The following PPP4R3B variants were observed in gnomAD, a reference collection of about 807,000 sequenced individuals.
PPP4R3B encodes the protein protein phosphatase 4 regulatory subunit 3B, also known as serine/threonine-protein phosphatase 4 regulatory subunit 3B.
In PPP4R3B, 52 loss-of-function variants were observed where a neutral mutation model predicts 95.4. The ratio of observed to expected loss-of-function variants is 0.54; its 90% CI spans 0.44 to 0.69. The LOEUF (loss-of-function observed/expected upper bound fraction) is 0.69. Ranked by LOEUF, PPP4R3B falls within the 30% of genes least tolerant of loss-of-function variation. The pLI is 0.00. For missense variants in PPP4R3B, 1,003 were observed against 1,005.9 expected, an observed-to-expected ratio of 1.00 and a Z score of 0.04; for synonymous variants, 407 against 343.9, an observed-to-expected ratio of 1.18 and a Z score of -2.03.
chr2:55,566,199 T>C (rs1687275617), intron 13 of PPP4R3B, among the ~76,000 whole-genome samples: 1 of 152,138 alleles, frequency 6.6e-6, no homozygotes, highest in African/African-American at 2.4e-5. Context: ...TTTTAAGTCT[T>C]AAAACTAGTT....
rs903452530 is a variant in PPP4R3B at position 55,612,925 on chromosome 2, G to A, written c.198+2526C>T. 2.7e-5 allele frequency among the ~76,000 whole-genome samples: 4 copies of A among 148,974 alleles called. No homozygotes were observed. In the East Asian group the frequency reaches 5.9e-4, roughly 22 times the overall value. ...CGCACCACCACACTGCAGCATGGAC[G>A]ACAGAGCGAGACTCCATCTCAAAAA... On this transcript the variant is annotated intron_variant, in intron 2 of 16. Coordinates refer to ENST00000616407, the MANE Select transcript of PPP4R3B (RefSeq NM_001122964.3).
intron 2 of PPP4R3B, among the ~76,000 whole-genome samples, chr2:55,607,111 G>C (rs1693522953): frequency 6.6e-6 from 1 of 152,090 alleles, no homozygotes; most frequent in African/African-American, 2.4e-5. Context: ...CACAAAAGTT[G>C]GGTATGAGAC....
At position 55,598,441 on chromosome 2, in the gene PPP4R3B, T is replaced by C. The variant is rs35178059; in HGVS notation, c.896A>G (p.Lys299Arg). ...CTGCAACATGCTGACTATCTCAACT[T>C]TGTTGAAGAAAATAAAAGACGTAAG... ...STLTSFIFFN[K>R]VEIVSMLQED... is the part of the protein sequence containing the mutation. The change falls in exon 4 of 17, where the codon AAA becomes AGA. Residue 299 changes from lysine to arginine, a missense_variant. Lys to Arg is a conservative substitution (Grantham distance 26). This residue lies in a region of PPP4R3B where 695 missense variants were observed against 686.2 expected (regional missense o/e 1.01). Coordinates refer to ENST00000616407, the MANE Select transcript of PPP4R3B (RefSeq NM_001122964.3). 5.5e-5 allele frequency: 89 copies of C among 1,613,660 alleles called. No individual in the cohort carries two copies. Among genetic ancestry groups the C allele is most frequent in the Admixed American group, 4.2e-4 (25 of 59,934 alleles).
rs1467554298 is a variant in PPP4R3B at position 55,598,790 on chromosome 2, C to T, written c.547G>A (p.Glu183Lys). 4.3e-6 allele frequency: 7 copies of T among 1,614,192 alleles called. No homozygotes were observed. Among genetic ancestry groups the T allele is most frequent in the Non-Finnish European group, 5.9e-6 (7 of 1,180,026 alleles). The part of the protein sequence containing the change: ...KKLLQLFQAC[E>K]NLENTEGLHH... ...AAGCCTTCAGTGTTTTCTAGGTTCT[C>T]GCAAGCTTGGAACAGCTGCAATAGT... Residue 183 changes from glutamate to lysine, a missense_variant, in exon 4 of 17, where the codon GAG becomes AAG. Transcript: ENST00000616407.
chr2:55,611,158 A>C (rs997089433), intron 2 of PPP4R3B, among the ~76,000 whole-genome samples: 16 of 151,904 alleles, frequency 1.1e-4, no homozygotes, highest in African/African-American at 3.9e-4. Context: ...CACTGTGCCT[A>C]GTATGACTCT....
chr2:55,588,956 C>T lies in PPP4R3B; in HGVS notation c.922G>A (p.Glu308Lys). 6.3e-7 allele frequency: 1 copy of T among 1,575,024 alleles called. No individual in the cohort carries two copies. The highest frequency in any genetic ancestry group is 8.7e-7 in the Non-Finnish European group (1 of 1,147,456). Residue 308 changes from glutamate to lysine, a missense_variant and splice_region_variant, in exon 5 of 17, where the codon GAA becomes AAA. This residue lies in a region of PPP4R3B where 695 missense variants were observed against 686.2 expected (regional missense o/e 1.01). Coordinates refer to ENST00000616407, the MANE Select transcript of PPP4R3B (RefSeq NM_001122964.3). ...ACTTCAGACAAAAACTTCTCATCTTCCTGCATGAGAAAAATAATTACTATG... is the reference window on the plus strand; with the variant it reads ...ACTTCAGACAAAAACTTCTCATCTTTCTGCATGAGAAAAATAATTACTATG... ...NKVEIVSMLQ[E>K]DEKFLSEVFA...
chr2:55,596,050 C>A (rs184172381), intron 4 of PPP4R3B, among the ~76,000 whole-genome samples: 1 of 152,270 alleles, frequency 6.6e-6, no homozygotes, highest in Admixed American at 6.5e-5. Flanking sequence ...TATTTCACAA[C>A]TCAAGGAGAC....
At chr2:55,582,096 C>T (rs1396612748) in intron 7 of PPP4R3B, among the ~76,000 whole-genome samples, 4 of 152,024 alleles carry the variant, frequency 2.6e-5, no homozygotes, top group Non-Finnish European at 5.9e-5. Flanking sequence ...GACCCTAAGA[C>T]ATAAATTATC....
chr2:55,597,190 A>T (rs1691906449), intron 4 of PPP4R3B, among the ~76,000 whole-genome samples: 1 of 152,044 alleles, frequency 6.6e-6, no homozygotes, highest in Admixed American at 6.5e-5. Flanking sequence ...TGTACACTTA[A>T]AAATTGTTGA....
intron 14 of PPP4R3B, 131 bp downstream of exon 14, chr2:55,564,771 C>T: frequency 9.5e-7 from 1 of 1,055,796 alleles, no homozygotes; most frequent in African/African-American, 1.6e-5. Context: ...ACGCCTTACC[C>T]TCCTATTCAA....
intron 14 of PPP4R3B, among the ~76,000 whole-genome samples, 182 bp from the exon 15 acceptor site, chr2:55,564,679 T>C (rs1001225711): frequency 6.6e-6 from 1 of 152,236 alleles, no homozygotes; most frequent in African/African-American, 2.4e-5. Context: ...TATTTTAGGA[T>C]GTTGTAAATT....
chr2:55,590,845 A>G lies in PPP4R3B; in HGVS notation c.922-1889T>C, dbSNP rs1250732534. Among the ~76,000 whole-genome samples the G allele has an allele frequency of 3.9e-5, 6 of 152,232 alleles. 1 individual carries two copies. Among genetic ancestry groups the G allele is most frequent in the South Asian group, 4.1e-4 (2 of 4,834 alleles). On this transcript the variant is annotated intron_variant, in intron 4 of 16. Transcript: ENST00000616407. ...CAATCCCTTAAATCCTTTTTGAAAT[A>G]ACGTGGAACATGTATTTTTAAAAAA... is the stretch of plus-strand genomic sequence containing the variant.
At chr2:55,615,530 C>A (rs141760101) in intron 1 of PPP4R3B, 24 bp from the exon 2 acceptor site, 2 of 1,483,512 alleles carry the variant, frequency 1.3e-6, no homozygotes, top group South Asian at 1.2e-5. Context: ...AATAATACAT[C>A]ATAAGTCTCA....
chr2:55,555,109 T>A (rs889072011), intron 16 of PPP4R3B, among the ~76,000 whole-genome samples: 2 of 151,844 alleles, frequency 1.3e-5, no homozygotes, highest in African/African-American at 4.8e-5. Flanking sequence ...TGAAATCCCA[T>A]CTCTACTAAA....
intron 11 of PPP4R3B, among the ~76,000 whole-genome samples, chr2:55,575,502 C>T (rs902581955): frequency 2.6e-5 from 4 of 152,110 alleles, no homozygotes; most frequent in African/African-American, 9.7e-5. Context: ...CTGGAGGGCA[C>T]TGGTGCAATT....
intron 11 of PPP4R3B, among the ~76,000 whole-genome samples, chr2:55,575,127 A>G (rs941114476): frequency 2.7e-5 from 4 of 149,528 alleles, no homozygotes; most frequent in Non-Finnish European, 5.9e-5. Flanking sequence ...TTTTCAGTAG[A>G]GATGGGGTTT....
chr2:55,605,099 A>T (rs1219020340), intron 2 of PPP4R3B, among the ~76,000 whole-genome samples: 1 of 152,082 alleles, frequency 6.6e-6, no homozygotes, highest in Non-Finnish European at 1.5e-5. Context: ...GACCTCCCAA[A>T]GTGCTGGGAT....
intron 15 of PPP4R3B, among the ~76,000 whole-genome samples, chr2:55,562,406 G>C (rs1686748700): frequency 1.3e-5 from 2 of 152,134 alleles, no homozygotes; most frequent in South Asian, 2.1e-4. Flanking sequence ...TGGGCAATGA[G>C]AAGGAGACTC....
chr2:55,608,530 A>G (rs1183820199), intron 2 of PPP4R3B, among the ~76,000 whole-genome samples: 1 of 152,170 alleles, frequency 6.6e-6, no homozygotes, highest in African/African-American at 2.4e-5. Flanking sequence ...GTCCATCTCT[A>G]TCACCTCAAT....
Sources: allele counts gnomAD v4.1 joint callset (sites outside exome capture counted in the v4.1 genomes callset), GRCh38; gene constraint gnomAD v4.1.1; regional missense constraint gnomAD v4.1.1; transcripts MANE v1.5; gene names NCBI Gene and HGNC (gene_info 2026-07-23, HGNC 2026-07-21).